SOAT1: variants seen among roughly 807,000 people sequenced by gnomAD.
The protein encoded by SOAT1 is sterol O-acyltransferase 1.
Under a neutral mutation model 69.5 loss-of-function variants are expected in SOAT1, and 55 were observed. The ratio of observed to expected loss-of-function variants is 0.79; its 90% CI spans 0.64 to 0.99. The LOEUF is 0.99. SOAT1 is among the 50% of genes least tolerant of loss of function. The probability of loss-of-function intolerance (pLI) is 0.00; values close to 1 mark genes in which losing one functional copy is unlikely to be tolerated. For missense variants in SOAT1, 580 were observed against 669.3 expected (o/e 0.87, Z 1.47); for synonymous variants, 231 against 224.7 (o/e 1.03, Z -0.25).
At chr1:179,351,847 G>A (rs1449466046) in intron 15 of SOAT1, among the ~76,000 whole-genome samples, 2 of 150,702 alleles carry the variant, frequency 1.3e-5, no homozygotes, top group African/African-American at 2.4e-5. Context: ...AGCCTCCCGA[G>A]TAGCTGGGAT....
chr1:179,332,676 A>T (rs1294552181), intron 3 of SOAT1, among the ~76,000 whole-genome samples: 2 of 152,194 alleles, frequency 1.3e-5, no homozygotes, highest in Non-Finnish European at 2.9e-5. Context: ...CAAATTAGAA[A>T]GACTATAACC....
At chr1:179,326,923 C>T (rs904998830) in intron 3 of SOAT1, among the ~76,000 whole-genome samples, 11 of 152,020 alleles carry the variant, frequency 7.2e-5, no homozygotes, top group Non-Finnish European at 1.5e-4. Flanking sequence ...TTCAGGATGG[C>T]ATATAGAGTT....
At chr1:179,313,398 GAT>G (rs933970220) in intron 2 of SOAT1, among the ~76,000 whole-genome samples, 1 of 95,030 alleles carries the variant, frequency 1.1e-5, no homozygotes, top group African/African-American at 2.7e-5. Flanking sequence ...CTATAGTTAT[GAT>G]ATGTCAGATT....
At chr1:179,316,971 A>G (rs1266361045) in intron 2 of SOAT1, among the ~76,000 whole-genome samples, 2 of 152,216 alleles carry the variant, frequency 1.3e-5, no homozygotes, top group African/African-American at 2.4e-5. Flanking sequence ...GTAATGACAG[A>G]GAAAAATGTT....
In SOAT1 at chr1:179,345,092, G is replaced by A; in HGVS notation, c.1117+16G>A. 1.2e-6 allele frequency: 2 copies of A among 1,612,272 alleles called. No homozygotes were observed. Among genetic ancestry groups the A allele is most frequent in the Non-Finnish European group, 1.7e-6 (2 of 1,178,818 alleles). On this transcript the variant is annotated intron_variant, in intron 11 of 15. Coordinates refer to ENST00000367619, the MANE Select transcript of SOAT1 (RefSeq NM_003101.6). ...ATCTTGCCAGGTAACATGGGTACTT[G>A]TTAATTTGGTCATGCATAAATTCAC...
intron 6 of SOAT1, among the ~76,000 whole-genome samples, chr1:179,340,444 C>T (rs10913727): frequency 0.26 from 39,526 of 152,060 alleles, 5,298 homozygotes; most frequent in East Asian, 0.46. Context: ...GTTTGTGCCA[C>T]TGCACTCCAG....
At chr1:179,317,260 G>A (rs559855051) in intron 2 of SOAT1, among the ~76,000 whole-genome samples, 7 of 152,268 alleles carry the variant, frequency 4.6e-5, no homozygotes, top group South Asian at 2.1e-4. Context: ...CTGGCCTGGC[G>A]CGGTGGCTCA....
chr1:179,306,584 G>A lies in SOAT1; in HGVS notation c.118+3782G>A, dbSNP rs375845309. On this transcript the variant is annotated intron_variant, in intron 2 of 15. Coordinates refer to ENST00000367619, the MANE Select transcript of SOAT1 (RefSeq NM_003101.6). ...GTGGTGGCTCACGCCTGTAATCCCA[G>A]CATTTTGGGAGGCCGAGGTGGGCAG... Among the ~76,000 whole-genome samples, 12 of 152,180 alleles carry A rather than the reference G, an allele frequency of 7.9e-5. No homozygotes were observed. In the East Asian group the frequency reaches 2.1e-3, roughly 27 times the overall value.
rs972122092 is a variant in SOAT1 at position 179,323,514 on chromosome 1, T to G, written c.177+19T>G. 1.2e-6 allele frequency: 2 copies of G among 1,604,790 alleles called. No homozygotes were observed. The highest frequency in any genetic ancestry group is 1.7e-6 in the Non-Finnish European group (2 of 1,172,880). On this transcript the variant is annotated intron_variant, in intron 3 of 15. Coordinates refer to ENST00000367619, the MANE Select transcript of SOAT1 (RefSeq NM_003101.6). ...GGCAGAGGCAAGTAACTCCCTCTTC[T>G]AGAAACAAAAATGTAGAGTTTTAGA... is the stretch of plus-strand genomic sequence containing the variant.
chr1:179,332,437 A>G (rs1157744427), intron 3 of SOAT1, among the ~76,000 whole-genome samples: 2 of 152,152 alleles, frequency 1.3e-5, no homozygotes, highest in Admixed American at 6.5e-5. Flanking sequence ...CTTAGAGGTT[A>G]TCTAATTCAG....
intron 10 of SOAT1, among the ~76,000 whole-genome samples, chr1:179,344,680 C>T (rs1195588434): frequency 1.3e-5 from 2 of 152,008 alleles, no homozygotes; most frequent in South Asian, 2.1e-4. Flanking sequence ...GGCCATGTTA[C>T]GGGTTTTAAG....
At chr1:179,323,380 G>T (rs1665672929) in intron 2 of SOAT1, 57 bp from the exon 3 acceptor site, 2 of 1,408,796 alleles carry the variant, frequency 1.4e-6, no homozygotes, top group Non-Finnish European at 2.0e-6. Flanking sequence ...GATTTAGACA[G>T]TGCTACTAGG....
chr1:179,305,046 A>G (rs1268688904), intron 2 of SOAT1, among the ~76,000 whole-genome samples: 4 of 152,250 alleles, frequency 2.6e-5, no homozygotes, highest in African/African-American at 9.6e-5. Flanking sequence ...AGGTTGTGGA[A>G]CCATCACTGC....
At chr1:179,303,099 T>C (rs1022395783) in intron 2 of SOAT1, among the ~76,000 whole-genome samples, 2 of 152,136 alleles carry the variant, frequency 1.3e-5, no homozygotes, top group African/African-American at 4.8e-5. Context: ...ACGGATTTGT[T>C]TGCCATTATG....
intron 2 of SOAT1, among the ~76,000 whole-genome samples, chr1:179,318,822 A>T (rs1198032728): frequency 6.6e-6 from 1 of 152,202 alleles, no homozygotes; most frequent in East Asian, 1.9e-4. Flanking sequence ...AATCCATTTT[A>T]TGGATATACT....
Position 179,317,401 on chromosome 1 carries a change from C to T in SOAT1, c.119-6036C>T, listed in dbSNP as rs376927654. Among the ~76,000 whole-genome samples, 61 of 152,006 alleles carry T rather than the reference C, an allele frequency of 4.0e-4. 2 individuals are homozygous for T. In the East Asian group the frequency reaches 0.01, roughly 26 times the overall value. On this transcript the variant is annotated intron_variant, in intron 2 of 15. Transcript: ENST00000367619. ...ACAAAAAATTAGCCGGGCGTGGTGG[C>T]GGGCGCCTGTAGTCCCAGCTACTTG...
At chr1:179,329,011 A>C (rs1466205192) in intron 3 of SOAT1, among the ~76,000 whole-genome samples, 3 of 146,254 alleles carry the variant, frequency 2.1e-5, no homozygotes, top group Non-Finnish European at 3.0e-5. Flanking sequence ...GCGCCACTGC[A>C]CTCCAGCCTG....
intron 2 of SOAT1, among the ~76,000 whole-genome samples, chr1:179,310,609 A>G (rs1665190605): frequency 6.6e-6 from 1 of 152,216 alleles, no homozygotes; most frequent in Admixed American, 6.5e-5. Context: ...GACTCTTTCA[A>G]GAAATACTCC....
intron 10 of SOAT1, among the ~76,000 whole-genome samples, chr1:179,344,746 G>A (rs1342445318): frequency 6.6e-6 from 1 of 152,098 alleles, no homozygotes; most frequent in Non-Finnish European, 1.5e-5. Flanking sequence ...TTTGGTAAAG[G>A]GTTAGGAAAA....
Sources: allele counts gnomAD v4.1 joint callset (sites outside exome capture counted in the v4.1 genomes callset), GRCh38; gene constraint gnomAD v4.1.1; transcripts MANE v1.5; gene names NCBI Gene and HGNC (gene_info 2026-07-23, HGNC 2026-07-21).